The following GALNT5 variants were observed in gnomAD, a reference collection of about 807,000 sequenced individuals.
GALNT5 encodes the protein polypeptide N-acetylgalactosaminyltransferase 5.
Under a neutral mutation model 85.4 loss-of-function variants are expected in GALNT5, and 72 were observed. The observed-to-expected ratio is 0.84, with a 90% CI of 0.70 to 1.03. The LOEUF (loss-of-function observed/expected upper bound fraction) is 1.03. Among genes scored for constraint, GALNT5 ranks in the 50% least tolerant of loss-of-function variants. The pLI is 0.00. For missense variants in GALNT5, 1,137 were observed against 1,135.5 expected (o/e 1.00, Z -0.02); for synonymous variants, 404 against 397.0 (o/e 1.02, Z -0.21).
rs1683653230 is a variant in GALNT5 at position 157,314,513 on chromosome 2, T to G, written c.*3165T>G. Among the ~76,000 whole-genome samples the G allele has an allele frequency of 6.6e-6, 1 of 152,172 alleles. No homozygotes were observed. Among genetic ancestry groups the G allele is most frequent in the Non-Finnish European group, 1.5e-5 (1 of 68,026 alleles). ...AAACCACCATGTGCCATGATCACAA[T>G]GTATTATTAGCTTCGCCACACTAAT... On this transcript the variant is annotated 3_prime_UTR_variant, in exon 10 of 10. Coordinates refer to ENST00000259056, the MANE Select transcript of GALNT5 (RefSeq NM_014568.3).
intron 1 of GALNT5, among the ~76,000 whole-genome samples, chr2:157,278,951 T>C (rs941948167): frequency 2.6e-5 from 4 of 152,338 alleles, no homozygotes; most frequent in African/African-American, 7.2e-5. Context: ...ATCTTTGTGG[T>C]TTTATCTACC....
rs1395898995 is a variant in GALNT5 at position 157,267,039 on chromosome 2, T to C, written c.1454+7503T>C. Among the ~76,000 whole-genome samples, 3 of 152,322 alleles carry C rather than the reference T, an allele frequency of 2.0e-5. No individual in the cohort carries two copies. In the East Asian group the frequency reaches 5.8e-4, roughly 29 times the overall value. ...TACTGCAAAGTATGGCATCAGAGCA[T>C]GGTCATTGACTTCAAGGCGTATACA... On this transcript the variant is annotated intron_variant, in intron 1 of 9. Transcript: ENST00000259056.
chr2:157,286,159 T>C (rs766457413), intron 3 of GALNT5, 25 bp downstream of exon 3: 15 of 1,589,544 alleles, frequency 9.4e-6, no homozygotes, highest in Non-Finnish European at 1.2e-5. Context: ...ATTTTTTTGT[T>C]TGTTACATTT....
At position 157,311,429 on chromosome 2, in the gene GALNT5, G is replaced by T; in HGVS notation, c.*81G>T. 3.2e-6 allele frequency: 3 copies of T among 928,126 alleles called. No homozygotes were observed. The highest frequency in any genetic ancestry group is 2.8e-5 in the East Asian group (1 of 35,210). The allele number at this position is 928,126 out of a possible 1,614,324, so 57.5% of individuals were successfully genotyped here. ...GAACTTGGAAACTATATTTCTCAGCGGTAGTTTAAATTTTCAATTTTAATA... is the reference window on the plus strand; with the variant it reads ...GAACTTGGAAACTATATTTCTCAGCTGTAGTTTAAATTTTCAATTTTAATA... On this transcript the variant is annotated 3_prime_UTR_variant, in exon 10 of 10. Coordinates refer to ENST00000259056, the MANE Select transcript of GALNT5 (RefSeq NM_014568.3).
intron 3 of GALNT5, among the ~76,000 whole-genome samples, chr2:157,290,005 G>A (rs1026403479): frequency 5.3e-5 from 8 of 150,746 alleles, no homozygotes; most frequent in African/African-American, 9.8e-5. Flanking sequence ...CCCGGGAGGC[G>A]GAGGTTGCAG....
chr2:157,260,641 T>C (rs1220242063), intron 1 of GALNT5, among the ~76,000 whole-genome samples: 5 of 152,242 alleles, frequency 3.3e-5, no homozygotes, highest in Admixed American at 3.3e-4. Flanking sequence ...AACAATGGCC[T>C]TGTTTGGCTT....
At chr2:157,291,941 T>A (rs573024798) in intron 3 of GALNT5, among the ~76,000 whole-genome samples, 2 of 152,290 alleles carry the variant, frequency 1.3e-5, no homozygotes, top group Non-Finnish European at 2.9e-5. Flanking sequence ...ATTGATATGC[T>A]AATTACCCTG....
chr2:157,317,657 T>A lies in GALNT5; in HGVS notation c.*6309T>A, dbSNP rs572990871. Among the ~76,000 whole-genome samples the A allele has an allele frequency of 1.4e-4, 21 of 152,306 alleles. No individual in the cohort carries two copies. In the South Asian group the frequency reaches 4.3e-3, roughly 32 times the overall value. On this transcript the variant is annotated 3_prime_UTR_variant, in exon 10 of 10. Coordinates refer to ENST00000259056, the MANE Select transcript of GALNT5 (RefSeq NM_014568.3). ...TCTTTTGCATCTGATCGACTGAAGT[T>A]ATTATAAAGAAGGAATCAAGTATGT...
chr2:157,275,834 T>C (rs548592184), intron 1 of GALNT5, among the ~76,000 whole-genome samples: 5 of 152,312 alleles, frequency 3.3e-5, no homozygotes, highest in East Asian at 1.9e-4. Context: ...TCTTGCCAGA[T>C]TGCCCTGGCC....
chr2:157,286,197 C>T, intron 3 of GALNT5, 63 bp downstream of exon 3: 1 of 1,373,336 alleles, frequency 7.3e-7, no homozygotes, highest in Non-Finnish European at 1.0e-6. Context: ...GTTTCTCAAA[C>T]ATACAGCAAA....
At chr2:157,281,120 G>A (rs907074971) in intron 1 of GALNT5, among the ~76,000 whole-genome samples, 9 of 152,078 alleles carry the variant, frequency 5.9e-5, no homozygotes, top group Admixed American at 1.3e-4. Flanking sequence ...ACAGCAGTGC[G>A]ATCTCAGCTC....
chr2:157,289,497 CTA>C (rs1378860334), intron 3 of GALNT5, among the ~76,000 whole-genome samples: 1 of 152,006 alleles, frequency 6.6e-6, no homozygotes, highest in African/African-American at 2.4e-5. Flanking sequence ...ACCTTCTTTT[CTA>C]TGTTATTTAT....
chr2:157,296,374 T>C lies in GALNT5; in HGVS notation c.1878-20T>C, dbSNP rs1319798087. The C allele has an allele frequency of 6.3e-7, 1 of 1,593,722 alleles. No homozygotes were observed. Among genetic ancestry groups the C allele is most frequent in the Admixed American group, 1.7e-5 (1 of 59,680 alleles). On this transcript the variant is annotated intron_variant, in intron 4 of 9. Coordinates refer to ENST00000259056, the MANE Select transcript of GALNT5 (RefSeq NM_014568.3). ...GTATATAATCCCAGATAACACTTTG[T>C]TTTTCATTTCCTGGATTAGTTACAT... is the stretch of plus-strand genomic sequence containing the variant.
chr2:157,286,724 C>A (rs1241933363), intron 3 of GALNT5, among the ~76,000 whole-genome samples: 2 of 152,010 alleles, frequency 1.3e-5, no homozygotes, highest in Admixed American at 1.3e-4. Context: ...AGGATGGTCT[C>A]GACTCCTGAA....
chr2:157,290,112 T>TATATATATATATATATACACACAC (rs1416458086), intron 3 of GALNT5, among the ~76,000 whole-genome samples: 131 of 138,154 alleles, frequency 9.5e-4, no homozygotes, highest in African/African-American at 3.0e-3. Flanking sequence ...TATATATATA[T>TATATATATATATATATACACACAC]ACATACACAA....
At chr2:157,278,961 C>G (rs1190538442) in intron 1 of GALNT5, among the ~76,000 whole-genome samples, 1 of 152,128 alleles carries the variant, frequency 6.6e-6, no homozygotes, top group Admixed American at 6.5e-5. Context: ...TTTTATCTAC[C>G]TTTGGTCTTT....
At position 157,300,858 on chromosome 2, in the gene GALNT5, C is replaced by A; in HGVS notation, c.2298C>A (p.His766Gln). ...YKELFYGHGD[H>Q]LIDQGLDVGN... ...AGCTGTTCTATGGCCACGGAGACCACCTCATCGACCAAGGGCTAGATGTTG... is the reference window on the plus strand; with the variant it reads ...AGCTGTTCTATGGCCACGGAGACCAACTCATCGACCAAGGGCTAGATGTTG... Residue 766 changes from histidine (H) to glutamine (Q), a missense_variant, in exon 7 of 10, where the codon CAC (histidine) becomes CAA (glutamine). His to Gln is a conservative substitution (Grantham distance 24). Transcript: ENST00000259056. 6.2e-7 allele frequency: 1 copy of A among 1,614,012 alleles called. No individual in the cohort carries two copies.
In GALNT5 at chr2:157,278,813, C is replaced by T. The variant is rs187430978; in HGVS notation, c.1455-5469C>T. Among the ~76,000 whole-genome samples the T allele has an allele frequency of 6.6e-5, 10 of 152,352 alleles. No individual in the cohort carries two copies. The East Asian group carries it at 1.9e-3, about 29-fold the overall frequency. On this transcript the variant is annotated intron_variant, in intron 1 of 9. Coordinates refer to ENST00000259056, the MANE Select transcript of GALNT5 (RefSeq NM_014568.3). ...ATTACCGACCTTCTGAAGCCTACTT[C>T]TATCAATTTGTCAAAGTCATTCTCC...
At chr2:157,296,145 A>AT (rs3217561) in intron 4 of GALNT5, among the ~76,000 whole-genome samples, 124,032 of 151,862 alleles carry the variant, frequency 0.82, 51,969 homozygotes, top group South Asian at 0.92. Flanking sequence ...TTGCTCTTGT[A>AT]TTTTTTTTCT....
Sources: allele counts gnomAD v4.1 joint callset (sites outside exome capture counted in the v4.1 genomes callset), GRCh38; gene constraint gnomAD v4.1.1; transcripts MANE v1.5; gene names NCBI Gene and HGNC (gene_info 2026-07-23, HGNC 2026-07-21).